USP43: variants seen among roughly 807,000 people sequenced by gnomAD.
USP43 encodes the protein ubiquitin specific peptidase 43, also known as ubiquitin carboxyl-terminal hydrolase 43.
USP43 carries 33 observed loss-of-function variants against 90.7 expected under a neutral mutation model. The observed-to-expected ratio is 0.36, with a 90% CI of 0.28 to 0.49. USP43 has a LOEUF of 0.49. Ranked by LOEUF, USP43 falls within the 20% of genes least tolerant of loss-of-function variation. The pLI, the probability that USP43 is intolerant of heterozygous loss-of-function variation, is 0.98. For missense variants in USP43, 1,274 were observed against 1,476.4 expected (o/e 0.86, Z 2.25); for synonymous variants, 598 against 615.8 (o/e 0.97, Z 0.43).
rs375424134 is a variant in USP43 at position 9,729,101 on chromosome 17, TA to T, written c.*120del. On this transcript the variant is annotated 3_prime_UTR_variant, in exon 15 of 15. Transcript: ENST00000285199. The stretch of plus-strand genomic sequence containing the variant: ...AGGAAACCCGTTGTCTTGTAATCTC[TA>T]AAAAAAAATTTTTTTTTTTTTGTGG... The T allele has an allele frequency of 2.9e-4, 331 of 1,135,122 alleles. 1 individual carries two copies. The highest frequency in any genetic ancestry group is 2.2e-3 in the African/African-American group (134 of 62,100). The allele number at this position is 1,135,122 out of a possible 1,614,324, so 70.3% of individuals were successfully genotyped here.
At chr17:9,669,440 T>C (rs1352902476) in intron 3 of USP43, among the ~76,000 whole-genome samples, 1 of 152,166 alleles carries the variant, frequency 6.6e-6, no homozygotes, top group African/African-American at 2.4e-5. Context: ...CTTGGTCCAA[T>C]AGTTACCATG....
At chr17:9,650,425 CAG>C (rs144438404) in intron 1 of USP43, among the ~76,000 whole-genome samples, 3,916 of 152,110 alleles carry the variant, frequency 0.026, 161 homozygotes, top group African/African-American at 0.088. Flanking sequence ...GTGGTGGAGA[CAG>C]AGTCTCACTC....
At chr17:9,685,195 A>C (rs991402536) in intron 7 of USP43, among the ~76,000 whole-genome samples, 1 of 152,150 alleles carries the variant, frequency 6.6e-6, no homozygotes, top group African/African-American at 2.4e-5. Context: ...TGCTTTAGCC[A>C]ATTTTATTCA....
chr17:9,689,023 T>C (rs1178080041), intron 8 of USP43, among the ~76,000 whole-genome samples: 1 of 152,090 alleles, frequency 6.6e-6, no homozygotes, highest in Non-Finnish European at 1.5e-5. Flanking sequence ...AAGCAATCAA[T>C]GGGGCCAGCA....
chr17:9,666,520 T>C, intron 2 of USP43, 128 bp from the exon 3 acceptor site: 1 of 710,538 alleles, frequency 1.4e-6, no homozygotes, highest in Non-Finnish European at 2.4e-6. Context: ...GCACTGAAGG[T>C]TGAGACTCTA....
At chr17:9,671,182 TTTAG>T (rs1913401917) in intron 3 of USP43, among the ~76,000 whole-genome samples, 1 of 152,194 alleles carries the variant, frequency 6.6e-6, no homozygotes, top group African/African-American at 2.4e-5. Context: ...AGCAAAGATA[TTTAG>T]TTATTCTATG....
Position 9,701,209 on chromosome 17 carries a change from G to T in USP43, c.1626G>T (p.Leu542Phe). The change falls in exon 11 of 15, where the codon TTG becomes TTT. Residue 542 changes from leucine (L) to phenylalanine (F), a missense_variant. Leu to Phe is a conservative substitution (Grantham distance 22). Coordinates refer to ENST00000285199, the MANE Select transcript of USP43 (RefSeq NM_153210.5). The surrounding 1 kb of genome is among the most constrained non-coding windows in gnomAD (Gnocchi z 7.2). ...CGCATCAGCAGCACAGCTGTACCTT[G>T]GATGAATGTTTTCAGTTCTACACCA... ...QQAHQQHSCT[L>F]DECFQFYTKE... The T allele has an allele frequency of 6.2e-7, 1 of 1,600,798 alleles. No individual in the cohort carries two copies.
In USP43 at chr17:9,674,996, C is replaced by T. The variant is rs1913670654; in HGVS notation, c.833+13C>T. 5.6e-6 allele frequency: 9 copies of T among 1,610,068 alleles called. No individual in the cohort carries two copies. In the East Asian group the frequency reaches 6.7e-5, roughly 12 times the overall value. ...TGCGCCAGACGAGGTACGTGAGTGTCGCGGCTTGCCCGGTGAACTTGACTT... is the reference window on the plus strand; with the variant it reads ...TGCGCCAGACGAGGTACGTGAGTGTTGCGGCTTGCCCGGTGAACTTGACTT... On this transcript the variant is annotated intron_variant, in intron 4 of 14. Coordinates refer to ENST00000285199, the MANE Select transcript of USP43 (RefSeq NM_153210.5). This position sits in a 1 kb window ranked among gnomAD's most constrained non-coding sequence, Gnocchi z 4.4.
intron 9 of USP43, among the ~76,000 whole-genome samples, chr17:9,697,666 CTTT>C (rs56661274): frequency 3.7e-5 from 5 of 136,722 alleles, no homozygotes; most frequent in Non-Finnish European, 1.6e-5. Context: ...AACAGGAATT[CTTT>C]TTTTTTTTTT....
chr17:9,657,006 A>G (rs1912300765), intron 2 of USP43, among the ~76,000 whole-genome samples: 1 of 152,166 alleles, frequency 6.6e-6, no homozygotes. Flanking sequence ...CCAGGTTTTG[A>G]TGGAACCCCA....
At chr17:9,667,158 T>C (rs1235972607) in intron 3 of USP43, among the ~76,000 whole-genome samples, 2 of 152,048 alleles carry the variant, frequency 1.3e-5, no homozygotes. Context: ...TATAAAAATG[T>C]ATGTACAGCC....
intron 2 of USP43, among the ~76,000 whole-genome samples, chr17:9,659,951 T>G (rs1912532894): frequency 6.6e-6 from 1 of 152,136 alleles, no homozygotes; most frequent in Admixed American, 6.5e-5. Context: ...GACTAGGCAT[T>G]TGACTATTTG....
intron 1 of USP43, among the ~76,000 whole-genome samples, chr17:9,646,701 G>A (rs1267267754): frequency 6.6e-6 from 1 of 152,106 alleles, no homozygotes; most frequent in Non-Finnish European, 1.5e-5. Context: ...GATGAGTTTC[G>A]CCAGATCACG....
rs964887040 is a variant in USP43, at chr17:9,701,951, T to A, written c.2011+251T>A. ...GCTGAGTCAGAAGGATGCCTGCAGC[T>A]CTCCAGGAACCCATAGGCAGGGCAC... On this transcript the variant is annotated intron_variant, in intron 12 of 14. Transcript: ENST00000285199. The surrounding 1 kb of genome is among the most constrained non-coding windows in gnomAD (Gnocchi z 7.2). Among the ~76,000 whole-genome samples the A allele has an allele frequency of 6.6e-6, 1 of 152,080 alleles. No homozygotes were observed. Among genetic ancestry groups the A allele is most frequent in the Non-Finnish European group, 1.5e-5 (1 of 68,038 alleles).
chr17:9,709,914 T>A lies in USP43; in HGVS notation c.2012-42T>A, dbSNP rs551748308. 9.4e-6 allele frequency: 13 copies of A among 1,382,700 alleles called. No homozygotes were observed. The highest frequency in any genetic ancestry group is 1.2e-5 in the Non-Finnish European group (13 of 1,058,828). 85.7% of individuals were successfully genotyped at this position (1,382,700 alleles called of 1,614,324 possible). Reference sequence around the variant, plus strand: ...CAGTGGGAAATGTCTTCCTACCTTTTGGGGCTCCAATAACTCAGACTTGGG... The same window carrying A: ...CAGTGGGAAATGTCTTCCTACCTTTAGGGGCTCCAATAACTCAGACTTGGG... On this transcript the variant is annotated intron_variant, in intron 12 of 14. Transcript: ENST00000285199. This position sits in a 1 kb window ranked among gnomAD's most constrained non-coding sequence, Gnocchi z 5.0.
chr17:9,713,769 C>T (rs1916337955), intron 14 of USP43, among the ~76,000 whole-genome samples: 1 of 152,144 alleles, frequency 6.6e-6, no homozygotes, highest in Non-Finnish European at 1.5e-5. Context: ...AGGATGACTC[C>T]TTGCTTAAGG....
At chr17:9,704,052 G>A (rs895633900) in intron 12 of USP43, among the ~76,000 whole-genome samples, 9 of 152,176 alleles carry the variant, frequency 5.9e-5, no homozygotes, top group Admixed American at 1.3e-4. Flanking sequence ...ATGTTGCTCC[G>A]TGTGGAATGG....
In USP43 at chr17:9,646,037, G is replaced by A; in HGVS notation, c.405G>A (p.Arg135=). ...LAEFLALGRY[R]AAPGRAEVTE... ...AGTTCCTGGCGCTGGGGCGCTACCGGGCGGCTCCGGGCCGCGCCGAGGTCA... is the reference window on the plus strand; with the variant it reads ...AGTTCCTGGCGCTGGGGCGCTACCGAGCGGCTCCGGGCCGCGCCGAGGTCA... Residue 135 remains arginine (R), a synonymous_variant, in exon 1 of 15, where the codon CGG becomes CGA. Coordinates refer to ENST00000285199, the MANE Select transcript of USP43 (RefSeq NM_153210.5). 8 of 1,493,052 alleles carry A rather than the reference G, an allele frequency of 5.4e-6. No individual in the cohort carries two copies. The highest frequency in any genetic ancestry group is 7.1e-6 in the Non-Finnish European group (8 of 1,123,016). 92.5% of individuals were successfully genotyped at this position (1,493,052 alleles called of 1,614,324 possible).
chr17:9,719,139 T>C lies in USP43; in HGVS notation c.2335+7007T>C, dbSNP rs145477731. ...GTGAAACTCCGTGTCCAAAAAAAAG[T>C]CTCTACAACAAAAAAGATGTTCTTT... On this transcript the variant is annotated intron_variant, in intron 14 of 14. Transcript: ENST00000285199. Among the ~76,000 whole-genome samples the C allele has an allele frequency of 2.0e-4, 30 of 151,880 alleles. 2 individuals carry two copies. In the East Asian group the frequency reaches 5.5e-3, roughly 28 times the overall value.
Sources: allele counts gnomAD v4.1 joint callset (sites outside exome capture counted in the v4.1 genomes callset), GRCh38; gene constraint gnomAD v4.1.1; non-coding constraint Gnocchi (gnomAD v3.1); transcripts MANE v1.5; gene names NCBI Gene and HGNC (gene_info 2026-07-23, HGNC 2026-07-21).